Variants in ROBO2 observed in about 807,000 individuals in gnomAD.
ROBO2 encodes the protein roundabout guidance receptor 2, also known as roundabout homolog 2.
A neutral mutation model predicts 160.8 loss-of-function variants in ROBO2; 53 were observed. The observed-to-expected ratio is 0.33, with a 90% CI of 0.26 to 0.41. The LOEUF is 0.41. ROBO2 is among the 10% of genes least tolerant of loss of function. The pLI is 1.00. For missense variants in ROBO2, 1,577 were observed against 1,722.4 expected, an observed-to-expected ratio of 0.92 and a Z score of 1.49; for synonymous variants, 664 against 611.7, an observed-to-expected ratio of 1.09 and a Z score of -1.26.
At chr3:75,908,332 CTTTAA>C (rs1478368389) in intron 1 of ROBO2, among the ~76,000 whole-genome samples, 1 of 151,778 alleles carries the variant, frequency 6.6e-6, no homozygotes, top group Non-Finnish European at 1.5e-5. Context: ...TTTGTTCTTT[CTTTAA>C]TGACTGAGTT....
At chr3:76,752,640 C>A (rs754860001) in intron 2 of ROBO2, among the ~76,000 whole-genome samples, 1 of 151,678 alleles carries the variant, frequency 6.6e-6, no homozygotes, top group Admixed American at 6.6e-5. Context: ...CCAAAGAGAC[C>A]AGTCCCATAA....
chr3:77,008,580 T>C (rs1048934002), intron 2 of ROBO2, among the ~76,000 whole-genome samples: 5 of 152,108 alleles, frequency 3.3e-5, no homozygotes, highest in Admixed American at 6.6e-5. Flanking sequence ...GAGGAACATT[T>C]AAGAAGGAGA....
Position 77,588,362 on chromosome 3 carries a change from T to A in ROBO2, c.2501-389T>A, listed in dbSNP as rs576037537. On this transcript the variant is annotated intron_variant, in intron 16 of 25. Transcript: ENST00000461745. ...ACCGTGCCTTAGCAGAAAAGCAATT[T>A]GCAAATACCCCATGTTAAAAGTTGT... Among the ~76,000 whole-genome samples, 3 of 152,262 alleles carry A rather than the reference T, an allele frequency of 2.0e-5. No homozygotes were observed. The South Asian group carries it at 6.2e-4, about 32-fold the overall frequency.
At chr3:77,607,805 A>C in exon 21 of ROBO2, 2 of 1,613,850 alleles carry the variant, frequency 1.2e-6, no homozygotes, top group Non-Finnish European at 1.7e-6. Context: ...CAGGTGGGAA[A>C]GGTGGAAAAA....
chr3:77,556,779 T>C (rs563290341), intron 8 of ROBO2, among the ~76,000 whole-genome samples: 103 of 152,054 alleles, frequency 6.8e-4, no homozygotes, highest in Admixed American at 1.6e-3. Context: ...TTTTTCTTTT[T>C]TGTGGAAGTC....
At chr3:77,062,768 A>G (rs1243565718) in intron 1 of ROBO2, among the ~76,000 whole-genome samples, 1 of 152,196 alleles carries the variant, frequency 6.6e-6, no homozygotes, top group Non-Finnish European at 1.5e-5. Context: ...TACAGAAGCA[A>G]GACACACAAA....
At chr3:76,525,630 A>G (rs1207983078) in intron 2 of ROBO2, among the ~76,000 whole-genome samples, 3 of 151,984 alleles carry the variant, frequency 2.0e-5, no homozygotes, top group Non-Finnish European at 4.4e-5. Flanking sequence ...TACATTAGGA[A>G]CGCACTCAAA....
intron 2 of ROBO2, among the ~76,000 whole-genome samples, chr3:76,112,448 A>G (rs1312306254): frequency 6.6e-6 from 1 of 152,026 alleles, no homozygotes; most frequent in Non-Finnish European, 1.5e-5. Flanking sequence ...GAATAATATT[A>G]TCAATTATCC....
At chr3:76,676,696 G>T (rs2092418671) in intron 2 of ROBO2, among the ~76,000 whole-genome samples, 1 of 152,076 alleles carries the variant, frequency 6.6e-6, no homozygotes, top group South Asian at 2.1e-4. Flanking sequence ...GTTCTGCTAG[G>T]CATGTATATT....
chr3:77,386,055 C>T (rs1408955248), intron 2 of ROBO2, among the ~76,000 whole-genome samples: 2 of 152,130 alleles, frequency 1.3e-5, no homozygotes, highest in Non-Finnish European at 2.9e-5. Flanking sequence ...TTGAGTATTT[C>T]CTAATGAAGG....
At chr3:77,430,644 C>G (rs1442760527) in intron 2 of ROBO2, among the ~76,000 whole-genome samples, 1 of 151,972 alleles carries the variant, frequency 6.6e-6, no homozygotes, top group Non-Finnish European at 1.5e-5. Flanking sequence ...AGAGAGCTGC[C>G]TTGCTCCTTC....
chr3:76,416,030 C>T (rs976785716), intron 2 of ROBO2, among the ~76,000 whole-genome samples: 8 of 152,084 alleles, frequency 5.3e-5, no homozygotes, highest in African/African-American at 1.2e-4. Flanking sequence ...GGAGCTGATC[C>T]GTGAACTTTC....
chr3:77,647,412 C>G (rs912691052), exon 26 of ROBO2: 1 of 151,686 alleles, frequency 6.6e-6, no homozygotes, highest in Admixed American at 6.6e-5. Context: ...TACGTTTGAC[C>G]CATTTTGAAT....
At chr3:76,455,108 A>G (rs755770630) in intron 2 of ROBO2, among the ~76,000 whole-genome samples, 6 of 152,136 alleles carry the variant, frequency 3.9e-5, no homozygotes, top group Non-Finnish European at 7.4e-5. Flanking sequence ...GTGTTTCACA[A>G]ATTTATTTCA....
chr3:76,692,035 T>C (rs755692833), intron 2 of ROBO2, among the ~76,000 whole-genome samples: 2 of 151,836 alleles, frequency 1.3e-5, no homozygotes, highest in African/African-American at 2.4e-5. Flanking sequence ...CCAGGAGAAA[T>C]AATTTGAAGG....
chr3:76,909,660 T>A (rs1036203384), intron 2 of ROBO2, among the ~76,000 whole-genome samples: 9 of 152,248 alleles, frequency 5.9e-5, no homozygotes, highest in Non-Finnish European at 2.9e-5. Context: ...TTTTTTAAAT[T>A]GACATTTTAA....
At chr3:77,330,266 C>T (rs564093481) in intron 2 of ROBO2, among the ~76,000 whole-genome samples, 1 of 152,168 alleles carries the variant, frequency 6.6e-6, no homozygotes, top group African/African-American at 2.4e-5. Flanking sequence ...GCCTGTAATC[C>T]CAGCACTTTG....
intron 2 of ROBO2, among the ~76,000 whole-genome samples, chr3:76,589,460 C>G (rs573163821): frequency 6.6e-6 from 1 of 152,060 alleles, no homozygotes; most frequent in East Asian, 1.9e-4. Flanking sequence ...CCACCACGCC[C>G]GGCTAATTTT....
intron 2 of ROBO2, among the ~76,000 whole-genome samples, chr3:76,907,496 C>A (rs1220319484): frequency 4.6e-5 from 7 of 152,064 alleles, no homozygotes; most frequent in African/African-American, 1.7e-4. Flanking sequence ...CCCCCTCTTT[C>A]TTTCTCTCTC....
Sources: gnomAD v4.1 joint callset for allele counts (sites outside exome capture counted in the v4.1 genomes callset) on GRCh38, gnomAD v4.1.1 for gene constraint, MANE v1.5 for transcripts, NCBI Gene and HGNC (gene_info 2026-07-23, HGNC 2026-07-21) for gene names.